Variants in COL13A1 observed in about 807,000 individuals in gnomAD.
COL13A1 encodes the protein collagen type XIII alpha 1 chain, also known as collagen alpha-1(XIII) chain.
In COL13A1, 89 loss-of-function variants were observed where a neutral mutation model predicts 130.9. The observed-to-expected ratio is 0.68, with a 90% CI of 0.57 to 0.81. The LOEUF is 0.81. Ranked by LOEUF, COL13A1 falls within the 30% of genes least tolerant of loss-of-function variation. COL13A1 has a pLI of 0.00. For synonymous variants in COL13A1, 402 were observed against 341.6 expected, an observed-to-expected ratio of 1.18 and a Z score of -1.95; for missense variants, 879 against 934.6, an observed-to-expected ratio of 0.94 and a Z score of 0.78.
At position 69,898,736 on chromosome 10, in the gene COL13A1, C is replaced by T. The variant is rs376808692; in HGVS notation, c.724C>T (p.Pro242Ser). ...LLNSVRLAPP[P>S]VIKRRTFQGE... Reference sequence around the variant, plus strand: ...CAATTCAGTGCGACTGGCTCCACCCCCGGTCATAAAAAGGCGGACGTTCCA... The same window carrying T: ...CAATTCAGTGCGACTGGCTCCACCCTCGGTCATAAAAAGGCGGACGTTCCA... The change falls in exon 14 of 41, where the codon CCG (proline) becomes TCG (serine). Residue 242 changes from proline (P) to serine (S), a missense_variant. By Grantham distance (74) the Pro-to-Ser change is moderately conservative. This residue lies in a region of COL13A1 where 715 missense variants were observed against 721.0 expected (regional missense o/e 0.99). Coordinates refer to ENST00000645393, the MANE Select transcript of COL13A1 (RefSeq NM_001368882.1). The T allele has an allele frequency of 1.9e-6, 3 of 1,613,556 alleles. No homozygotes were observed. The highest frequency in any genetic ancestry group is 2.5e-6 in the Non-Finnish European group (3 of 1,179,700).
At chr10:69,874,484 T>C (rs182940748) in intron 4 of COL13A1, among the ~76,000 whole-genome samples, 2 of 152,360 alleles carry the variant, frequency 1.3e-5, no homozygotes, top group Non-Finnish European at 2.9e-5. Flanking sequence ...CAGAGTGAGA[T>C]GTAACCCCTG....
chr10:69,873,980 C>T (rs186274497), intron 4 of COL13A1, among the ~76,000 whole-genome samples: 22 of 152,330 alleles, frequency 1.4e-4, no homozygotes, highest in Middle Eastern at 3.4e-3. Context: ...ATGTGGCATC[C>T]TCCCAGCAAC....
At chr10:69,837,256 C>T (rs1235181237) in intron 2 of COL13A1, among the ~76,000 whole-genome samples, 1 of 152,236 alleles carries the variant, frequency 6.6e-6, no homozygotes, top group Non-Finnish European at 1.5e-5. Flanking sequence ...TACCAATGAT[C>T]CTGGCTGGTG....
At chr10:69,848,439 G>A (rs919398417) in intron 2 of COL13A1, among the ~76,000 whole-genome samples, 2 of 152,172 alleles carry the variant, frequency 1.3e-5, no homozygotes, top group African/African-American at 2.4e-5. Flanking sequence ...GAGGCTCAGA[G>A]AAATTAAAAG....
chr10:69,951,970 G>A (rs1362868571), intron 38 of COL13A1, among the ~76,000 whole-genome samples: 2 of 152,210 alleles, frequency 1.3e-5, no homozygotes, highest in African/African-American at 2.4e-5. Flanking sequence ...CATTACAGAA[G>A]TGATGCTTCA....
intron 1 of COL13A1, among the ~76,000 whole-genome samples, chr10:69,815,040 C>G (rs1316629955): frequency 6.6e-6 from 1 of 152,202 alleles, no homozygotes; most frequent in Non-Finnish European, 1.5e-5. Context: ...TCTGCGTTAT[C>G]TCATTCGGTC....
At chr10:69,923,699 C>A in intron 23 of COL13A1, 103 bp from the exon 24 acceptor site, 1 of 1,447,940 alleles carries the variant, frequency 6.9e-7, no homozygotes, top group Non-Finnish European at 9.4e-7. Context: ...AAAGAGAAGT[C>A]CAAGGCAACA....
At chr10:69,912,159 G>A (rs1214927861) in intron 17 of COL13A1, among the ~76,000 whole-genome samples, 5 of 152,148 alleles carry the variant, frequency 3.3e-5, no homozygotes, top group African/African-American at 1.2e-4. Flanking sequence ...TCTGGGCTTT[G>A]TTTTTCATGC....
intron 1 of COL13A1, among the ~76,000 whole-genome samples, chr10:69,817,803 C>T (rs1462118505): frequency 6.6e-6 from 1 of 152,038 alleles, no homozygotes. Flanking sequence ...GGTTGAAGGC[C>T]CTGTGGGATT....
intron 40 of COL13A1, among the ~76,000 whole-genome samples, chr10:69,957,672 G>A (rs145506097): frequency 8.7e-4 from 133 of 152,262 alleles, no homozygotes; most frequent in Non-Finnish European, 1.4e-3. Flanking sequence ...GCATGTGATC[G>A]CCCCATTCAA....
At chr10:69,941,572 T>C (rs894288973) in intron 35 of COL13A1, among the ~76,000 whole-genome samples, 1 of 152,218 alleles carries the variant, frequency 6.6e-6, no homozygotes, top group African/African-American at 2.4e-5. Context: ...CTGTGTCTTA[T>C]GCACGTTCTA....
At chr10:69,844,584 GT>G (rs1246282970) in intron 2 of COL13A1, among the ~76,000 whole-genome samples, 1 of 152,202 alleles carries the variant, frequency 6.6e-6, no homozygotes, top group Non-Finnish European at 1.5e-5. Flanking sequence ...ACAGTGGCAT[GT>G]TTAGAACAGT....
chr10:69,846,942 C>T (rs1193223334), intron 2 of COL13A1, among the ~76,000 whole-genome samples: 1 of 152,200 alleles, frequency 6.6e-6, no homozygotes, highest in Non-Finnish European at 1.5e-5. Flanking sequence ...CCAGCGGGAG[C>T]CACGGCCCTC....
chr10:69,837,284 G>A (rs750167838), intron 2 of COL13A1, among the ~76,000 whole-genome samples: 13 of 152,314 alleles, frequency 8.5e-5, no homozygotes, highest in Admixed American at 2.0e-4. Flanking sequence ...TGATTGGTGG[G>A]TCTCTGTACG....
chr10:69,837,665 GAA>G (rs1239197260), intron 2 of COL13A1, among the ~76,000 whole-genome samples: 11 of 152,218 alleles, frequency 7.2e-5, no homozygotes, highest in Non-Finnish European at 1.6e-4. Context: ...GAGGGTGGCA[GAA>G]TCCCTGGGGA....
Position 69,822,383 on chromosome 10 carries a change from C to T in COL13A1, c.309C>T (p.His103=). 6.3e-7 allele frequency: 1 copy of T among 1,588,150 alleles called. No individual in the cohort carries two copies. Among genetic ancestry groups the T allele is most frequent in the Non-Finnish European group, 8.6e-7 (1 of 1,167,318 alleles). ...TCCTTGTACAGAAATGGAAGCTCCA[C>T]TCAAGGAGGCGCCGGGAGGCCCCAA... ...NQLLDEKWKL[H]SRRRREAPKT... The change falls in exon 2 of 41, where the codon CAC becomes CAT. Residue 103 remains histidine (H), a synonymous_variant. Transcript: ENST00000645393.
intron 2 of COL13A1, among the ~76,000 whole-genome samples, chr10:69,867,551 G>T (rs539710161): frequency 6.6e-6 from 1 of 152,356 alleles, no homozygotes; most frequent in African/African-American, 2.4e-5. Context: ...AGGGCCACCG[G>T]CAGGTCCCCA....
chr10:69,953,311 T>C (rs2069965414), intron 39 of COL13A1, among the ~76,000 whole-genome samples: 1 of 152,216 alleles, frequency 6.6e-6, no homozygotes, highest in African/African-American at 2.4e-5. Context: ...GTAGCATTTG[T>C]GAGCCACGGA....
At chr10:69,860,239 T>G (rs1280385225) in intron 2 of COL13A1, among the ~76,000 whole-genome samples, 1 of 152,164 alleles carries the variant, frequency 6.6e-6, no homozygotes, top group Non-Finnish European at 1.5e-5. Context: ...TCAGGGTACT[T>G]GGATGGGGCG....
Sources: allele counts gnomAD v4.1 joint callset (sites outside exome capture counted in the v4.1 genomes callset), GRCh38; gene constraint gnomAD v4.1.1; regional missense constraint gnomAD v4.1.1; transcripts MANE v1.5; gene names NCBI Gene and HGNC (gene_info 2026-07-23, HGNC 2026-07-21).